ACTR10: variants seen among roughly 807,000 people sequenced by gnomAD.
The protein encoded by ACTR10 is actin related protein 10.
In ACTR10, 43 loss-of-function variants were observed where a neutral mutation model predicts 56.2. The observed-to-expected ratio is 0.77, with a 90% CI of 0.60 to 0.99. The LOEUF (loss-of-function observed/expected upper bound fraction) is 0.99. Ranked by LOEUF, ACTR10 falls within the 50% of genes least tolerant of loss-of-function variation. The probability of loss-of-function intolerance (pLI) is 0.00; values close to 1 mark genes in which losing one functional copy is unlikely to be tolerated. For missense variants in ACTR10, 466 were observed against 507.8 expected (o/e 0.92, Z 0.79); for synonymous variants, 170 against 176.3 (o/e 0.96, Z 0.28).
chr14:58,227,166 CTTT>C lies in ACTR10; in HGVS notation c.789-3220_789-3218del, dbSNP rs10542034. Among the ~76,000 whole-genome samples, 173 of 146,574 alleles carry C rather than the reference CTTT, an allele frequency of 1.2e-3. 1 individual carries two copies. The highest frequency in any genetic ancestry group is 2.7e-3 in the African/African-American group (109 of 39,960). On this transcript the variant is annotated intron_variant, in intron 10 of 12. Coordinates refer to ENST00000254286, the MANE Select transcript of ACTR10 (RefSeq NM_018477.3). ...GTAATTCATAATTTATGATTTCCAG[CTTT>C]TTTTTTTTTTTTCTTTTTATAAGTA...
intron 10 of ACTR10, among the ~76,000 whole-genome samples, chr14:58,226,853 G>C (rs551229834): frequency 2.6e-5 from 4 of 152,118 alleles, no homozygotes; most frequent in Admixed American, 2.6e-4. Flanking sequence ...GCCTGCCTTG[G>C]CCTCCCAAAG....
chr14:58,203,064 G>C (rs1888765635), intron 2 of ACTR10, 137 bp downstream of exon 2: 1 of 527,634 alleles, frequency 1.9e-6, no homozygotes, highest in African/African-American at 2.0e-5. Context: ...CACTTTGGGT[G>C]GCTGAGGCGG....
At position 58,233,308 on chromosome 14, in the gene ACTR10, TA is replaced by T. The variant is rs1566632366; in HGVS notation, c.1072+1043del. Among the ~76,000 whole-genome samples the T allele has an allele frequency of 2.6e-5, 4 of 152,318 alleles. No individual in the cohort carries two copies. The East Asian group carries it at 7.7e-4, about 29-fold the overall frequency. ...TTAAGTAGTGATGGTTTCACTGAAA[TA>T]AGCAATTAACCTAATAAGTACAGTT... On this transcript the variant is annotated intron_variant, in intron 12 of 12. Coordinates refer to ENST00000254286, the MANE Select transcript of ACTR10 (RefSeq NM_018477.3).
At chr14:58,230,617 T>G in intron 11 of ACTR10, 137 bp downstream of exon 11, 1 of 418,398 alleles carries the variant, frequency 2.4e-6, no homozygotes, top group Non-Finnish European at 4.2e-6. Flanking sequence ...GCTTATTAAA[T>G]TTTATTAATT....
At position 58,234,385 on chromosome 14, in the gene ACTR10, C is replaced by A; in HGVS notation, c.1088C>A (p.Ala363Glu). The A allele has an allele frequency of 6.4e-7, 1 of 1,567,898 alleles. No homozygotes were observed. The highest frequency in any genetic ancestry group is 1.2e-5 in the South Asian group (1 of 82,632). Residue 363 changes from alanine to glutamate, a missense_variant, in exon 13 of 13, where the codon GCA (alanine) becomes GAA (glutamate). Physicochemically the swap from Ala to Glu is moderately radical, Grantham distance 107 (BLOSUM62 -1). Transcript: ENST00000254286. ...VAWLGGAIFGALQDILGSRSV... is the reference protein window; with the variant it reads ...VAWLGGAIFGELQDILGSRSV... ...TGTCACACAGGGGCTATTTTTGGAG[C>A]ATTACAAGATATACTTGGGAGCCGT...
chr14:58,201,756 A>G (rs934969274), intron 1 of ACTR10, among the ~76,000 whole-genome samples: 1 of 152,254 alleles, frequency 6.6e-6, no homozygotes, highest in Non-Finnish European at 1.5e-5. Flanking sequence ...CTGTAATTCC[A>G]GCAGTTTGGA....
intron 10 of ACTR10, among the ~76,000 whole-genome samples, chr14:58,225,666 T>A (rs1478289616): frequency 1.3e-5 from 2 of 152,070 alleles, no homozygotes; most frequent in Admixed American, 6.5e-5. Context: ...AAGAAGAAGA[T>A]AACTACTTAA....
chr14:58,232,313 C>A, intron 12 of ACTR10, 46 bp downstream of exon 12: 1 of 1,443,358 alleles, frequency 6.9e-7, no homozygotes, highest in Non-Finnish European at 9.5e-7. Context: ...AGTATTTGGT[C>A]TCTGAATGAC....
At chr14:58,226,107 T>A (rs887082147) in intron 10 of ACTR10, among the ~76,000 whole-genome samples, 8 of 151,394 alleles carry the variant, frequency 5.3e-5, no homozygotes, top group South Asian at 4.2e-4. Context: ...CAAAAAAAAA[T>A]TTTTTTTTAA....
At chr14:58,221,280 T>G (rs895154369) in intron 8 of ACTR10, among the ~76,000 whole-genome samples, 1 of 108,292 alleles carries the variant, frequency 9.2e-6, no homozygotes, top group African/African-American at 3.5e-5. Context: ...AGACTCTGTC[T>G]AAAAAAAAAA....
At chr14:58,224,166 A>G (rs906032477) in intron 10 of ACTR10, among the ~76,000 whole-genome samples, 3 of 151,304 alleles carry the variant, frequency 2.0e-5, no homozygotes, top group African/African-American at 7.3e-5. Context: ...ATGCCTGGCT[A>G]ATTTTTGTAT....
At position 58,200,310 on chromosome 14, in the gene ACTR10, G is replaced by T; in HGVS notation, c.77+16G>T. 6.7e-7 allele frequency: 1 copy of T among 1,492,110 alleles called. No individual in the cohort carries two copies. The highest frequency in any genetic ancestry group is 8.9e-7 in the Non-Finnish European group (1 of 1,123,376). 92.4% of individuals were successfully genotyped at this position (1,492,110 alleles called of 1,614,324 possible). On this transcript the variant is annotated intron_variant, in intron 1 of 12. Coordinates refer to ENST00000254286, the MANE Select transcript of ACTR10 (RefSeq NM_018477.3). ...CCTTTACCAAGTGAGTGGCCGTGAC[G>T]CCAGCTGTGTTCGACCCGAGGGGAG... is the stretch of plus-strand genomic sequence containing the variant.
Position 58,200,291 on chromosome 14 carries a change from C to A in ACTR10, c.74C>A (p.Thr25Asn). The part of the protein sequence containing the change: ...AVVIDLGEAF[T>N]KCGFAGETGP... ...GTGATCGACCTGGGAGAGGCCTTTA[C>A]CAAGTGAGTGGCCGTGACGCCAGCT... is the stretch of plus-strand genomic sequence containing the variant. Residue 25 changes from threonine (T) to asparagine (N), a missense_variant, in exon 1 of 13, where the codon ACC (threonine) becomes AAC (asparagine). Physicochemically the swap from Thr to Asn is moderately conservative, Grantham distance 65 (BLOSUM62 0). Coordinates refer to ENST00000254286, the MANE Select transcript of ACTR10 (RefSeq NM_018477.3). The A allele has an allele frequency of 6.6e-7, 1 of 1,504,432 alleles. No individual in the cohort carries two copies. Among genetic ancestry groups the A allele is most frequent in the Non-Finnish European group, 8.8e-7 (1 of 1,131,250 alleles). 93.2% of individuals were successfully genotyped at this position (1,504,432 alleles called of 1,614,324 possible). A position where few individuals can be genotyped will look rare whatever the true frequency, so the allele number is the denominator to read the frequency against.
At chr14:58,213,489 A>C in intron 5 of ACTR10, 142 bp from the exon 6 acceptor site, 1 of 487,350 alleles carries the variant, frequency 2.1e-6, no homozygotes, top group Non-Finnish European at 3.5e-6. Flanking sequence ...TTACTCTTTG[A>C]TTTTTCTGTA....
At chr14:58,217,225 T>G (rs1291112248) in intron 7 of ACTR10, among the ~76,000 whole-genome samples, 1 of 152,222 alleles carries the variant, frequency 6.6e-6, no homozygotes, top group Non-Finnish European at 1.5e-5. Flanking sequence ...GATACATTCT[T>G]GGATATTCTT....
chr14:58,229,786 A>G (rs1282271573), intron 10 of ACTR10, among the ~76,000 whole-genome samples: 3 of 151,908 alleles, frequency 2.0e-5, no homozygotes, highest in Non-Finnish European at 2.9e-5. Flanking sequence ...GTGTGTATAT[A>G]TATGTATATA....
chr14:58,214,043 T>G (rs895071678), intron 6 of ACTR10, among the ~76,000 whole-genome samples: 1 of 152,232 alleles, frequency 6.6e-6, no homozygotes, highest in Non-Finnish European at 1.5e-5. Flanking sequence ...CTTTACATGA[T>G]TTTAAAATGT....
intron 7 of ACTR10, among the ~76,000 whole-genome samples, chr14:58,215,791 CTG>C (rs1251712356): frequency 1.3e-5 from 2 of 152,070 alleles, no homozygotes; most frequent in Admixed American, 1.3e-4. Context: ...TTATTAGAGA[CTG>C]TGCATGTCTC....
chr14:58,218,733 A>G (rs1889193919), intron 7 of ACTR10, among the ~76,000 whole-genome samples: 1 of 152,204 alleles, frequency 6.6e-6, no homozygotes, highest in Non-Finnish European at 1.5e-5. Flanking sequence ...TTTATTTTTC[A>G]GCTATAGATG....
Sources: allele counts gnomAD v4.1 joint callset (sites outside exome capture counted in the v4.1 genomes callset), GRCh38; gene constraint gnomAD v4.1.1; transcripts MANE v1.5; gene names NCBI Gene and HGNC (gene_info 2026-07-23, HGNC 2026-07-21).